CSMD1: variants seen among roughly 807,000 people sequenced by gnomAD.
CSMD1 encodes CUB and sushi domain-containing protein 1.
In CSMD1, 213 loss-of-function variants were observed where a neutral mutation model predicts 417.5. The ratio of observed to expected loss-of-function variants is 0.51; its 90% confidence interval spans 0.46 to 0.57. The LOEUF (loss-of-function observed/expected upper bound fraction) is 0.57, where lower values mean the gene tolerates loss of function less well. CSMD1 is among the 20% of genes least tolerant of loss of function. CSMD1 has a pLI of 0.00. For synonymous variants in CSMD1, 2,862 were observed against 1,736.8 expected (o/e 1.65, Z -16.11); for missense variants, 6,923 against 4,529.7 (o/e 1.53, Z -15.17).
At chr8:4,365,069 C>G (rs980909092) in intron 3 of CSMD1, among the ~76,000 whole-genome samples, 3 of 152,086 alleles carry the variant, frequency 2.0e-5, no homozygotes, top group African/African-American at 7.2e-5. Flanking sequence ...CCATATTCAT[C>G]AGTTGTAATG....
chr8:4,829,784 C>A (rs180792525), intron 1 of CSMD1, among the ~76,000 whole-genome samples: 1 of 150,622 alleles, frequency 6.6e-6, no homozygotes, highest in East Asian at 2.0e-4. Flanking sequence ...AGCTGTTTCA[C>A]ACCCACCTAG....
intron 3 of CSMD1, among the ~76,000 whole-genome samples, chr8:4,396,008 A>G (rs143140313): frequency 6.6e-6 from 1 of 152,174 alleles, no homozygotes. Flanking sequence ...AATGTTTTAT[A>G]ATCATTTTGT....
At chr8:3,621,811 A>G (rs1439547148) in intron 7 of CSMD1, among the ~76,000 whole-genome samples, 3 of 151,698 alleles carry the variant, frequency 2.0e-5, no homozygotes, top group Admixed American at 6.6e-5. Flanking sequence ...GTTTCACCAT[A>G]TTGCCCAGGC....
At chr8:4,371,245 G>A (rs1802377558) in intron 3 of CSMD1, among the ~76,000 whole-genome samples, 1 of 152,168 alleles carries the variant, frequency 6.6e-6, no homozygotes, top group Non-Finnish European at 1.5e-5. Context: ...ATTAGGACCA[G>A]GTCAGCAGTT....
intron 1 of CSMD1, among the ~76,000 whole-genome samples, chr8:4,899,378 C>T (rs780954362): frequency 6.6e-6 from 1 of 152,050 alleles, no homozygotes; most frequent in Non-Finnish European, 1.5e-5. Context: ...ATGAAATATA[C>T]TGAGGAATTA....
intron 23 of CSMD1, among the ~76,000 whole-genome samples, chr8:3,335,954 G>A (rs908198133): frequency 6.6e-6 from 1 of 152,158 alleles, no homozygotes; most frequent in African/African-American, 2.4e-5. Flanking sequence ...CCCAGCGCTT[G>A]TAGATTTTTA....
At chr8:4,271,772 C>T (rs1804615410) in intron 3 of CSMD1, among the ~76,000 whole-genome samples, 1 of 152,158 alleles carries the variant, frequency 6.6e-6, no homozygotes, top group African/African-American at 2.4e-5. Context: ...AAAATGGATG[C>T]AGCTTCCACA....
intron 3 of CSMD1, among the ~76,000 whole-genome samples, chr8:4,164,887 A>AT (rs1563209916): frequency 4.9e-5 from 6 of 123,086 alleles, no homozygotes; most frequent in South Asian, 2.8e-4. Flanking sequence ...AAAGAAAAAA[A>AT]AAAATATATA....
At chr8:3,604,854 G>A (rs1029834528) in intron 8 of CSMD1, among the ~76,000 whole-genome samples, 1 of 152,072 alleles carries the variant, frequency 6.6e-6, no homozygotes, top group Non-Finnish European at 1.5e-5. Context: ...AGTTATCTAG[G>A]GGGCTCTAGC....
intron 3 of CSMD1, among the ~76,000 whole-genome samples, chr8:4,072,129 C>G (rs963724525): frequency 6.6e-5 from 10 of 152,196 alleles, no homozygotes; most frequent in African/African-American, 2.2e-4. Context: ...CTGTTCAACT[C>G]CTTCGGAATC....
At chr8:4,239,204 T>C (rs1314228964) in intron 3 of CSMD1, among the ~76,000 whole-genome samples, 2 of 152,216 alleles carry the variant, frequency 1.3e-5, no homozygotes, top group African/African-American at 4.8e-5. Flanking sequence ...GAGATACAGT[T>C]GAGTCTCACG....
chr8:4,083,028 G>A (rs1053863762), intron 3 of CSMD1, among the ~76,000 whole-genome samples: 2 of 151,684 alleles, frequency 1.3e-5, no homozygotes, highest in Non-Finnish European at 2.9e-5. Flanking sequence ...TGGACATTTG[G>A]GTTTGTTCCA....
intron 37 of CSMD1, among the ~76,000 whole-genome samples, chr8:3,176,156 G>T (rs1267797666): frequency 6.6e-6 from 1 of 152,022 alleles, no homozygotes; most frequent in Non-Finnish European, 1.5e-5. Flanking sequence ...AGTGAAGAAG[G>T]CCTGAAAGTG....
intron 3 of CSMD1, among the ~76,000 whole-genome samples, chr8:4,134,606 C>G (rs1192872348): frequency 1.3e-5 from 2 of 152,168 alleles, no homozygotes; most frequent in African/African-American, 2.4e-5. Context: ...AACAAACACA[C>G]CTACACACGT....
chr8:3,781,689 C>A (rs1481459572), intron 5 of CSMD1, among the ~76,000 whole-genome samples: 1 of 152,152 alleles, frequency 6.6e-6, no homozygotes, highest in East Asian at 1.9e-4. Context: ...TCCTGGACTC[C>A]AGCCTACGGA....
At chr8:4,415,211 G>A (rs1045989248) in intron 3 of CSMD1, among the ~76,000 whole-genome samples, 11 of 152,036 alleles carry the variant, frequency 7.2e-5, no homozygotes, top group African/African-American at 1.4e-4. Flanking sequence ...AGGATCATCC[G>A]CCTCCGCTCC....
At chr8:3,973,548 A>C (rs1054972661) in intron 5 of CSMD1, among the ~76,000 whole-genome samples, 2 of 152,236 alleles carry the variant, frequency 1.3e-5, no homozygotes, top group East Asian at 3.8e-4. Context: ...ACAAACAACA[A>C]AATTCTTTCT....
At chr8:4,813,449 C>A (rs1394631829) in intron 1 of CSMD1, among the ~76,000 whole-genome samples, 1 of 152,124 alleles carries the variant, frequency 6.6e-6, no homozygotes, top group East Asian at 1.9e-4. Context: ...CTGTATTCTT[C>A]CTAGATACAA....
At chr8:3,936,611 A>T (rs1399939304) in intron 5 of CSMD1, among the ~76,000 whole-genome samples, 1 of 152,178 alleles carries the variant, frequency 6.6e-6, no homozygotes, top group Non-Finnish European at 1.5e-5. Flanking sequence ...TTTTAAGGCC[A>T]CTGTTGAGAC....
Sources: allele counts gnomAD v4.1 joint callset (sites outside exome capture counted in the v4.1 genomes callset), GRCh38; gene constraint gnomAD v4.1.1; transcripts MANE v1.5; gene names NCBI Gene and HGNC (gene_info 2026-07-23, HGNC 2026-07-21).